RP1: variants seen among roughly 807,000 people sequenced by gnomAD.
The protein encoded by RP1 is RP1 axonemal microtubule associated.
Under a neutral mutation model 14.8 loss-of-function variants are expected in RP1, and 16 were observed. The observed-to-expected ratio is 1.08, with a 90% CI of 0.73 to 1.65. The LOEUF (loss-of-function observed/expected upper bound fraction) is 1.65. Among genes scored for constraint, RP1 ranks in the 40% most tolerant of loss-of-function variants. The pLI is 0.00. For missense variants in RP1, 2,631 were observed against 2,535.0 expected (o/e 1.04, Z -0.81); for synonymous variants, 876 against 883.6 (o/e 0.99, Z 0.15).
At chr8:54,806,020 ATTTTC>A (rs994696479) in intron 24 of RP1, among the ~76,000 whole-genome samples, 9 of 151,306 alleles carry the variant, frequency 5.9e-5, no homozygotes, top group African/African-American at 2.2e-4. Context: ...TTTTATTTTT[ATTTTC>A]TTTTATTTTT....
At chr8:54,600,678 A>AAGAG (rs1391461465) in intron 1 of RP1, among the ~76,000 whole-genome samples, 1 of 152,114 alleles carries the variant, frequency 6.6e-6, no homozygotes, top group Non-Finnish European at 1.5e-5. Context: ...CAAGGCAGAT[A>AAGAG]AGAGTATGGT....
chr8:54,641,508 CT>C (rs1024693488), intron 3 of RP1, among the ~76,000 whole-genome samples: 2 of 151,892 alleles, frequency 1.3e-5, no homozygotes, highest in African/African-American at 2.4e-5. Flanking sequence ...AGCTTCTCAA[CT>C]TTTTTTTCTG....
At chr8:54,835,013 T>C (rs920880243) in intron 24 of RP1, among the ~76,000 whole-genome samples, 2 of 152,180 alleles carry the variant, frequency 1.3e-5, no homozygotes, top group African/African-American at 4.8e-5. Flanking sequence ...GTTTTAAAAA[T>C]AACTTATTTA....
chr8:54,720,289 A>G, exon 16 of RP1: 1 of 1,535,108 alleles, frequency 6.5e-7, no homozygotes, highest in Non-Finnish European at 8.7e-7. Context: ...GTTTGCTTCT[A>G]TCCACAAGTC....
intron 3 of RP1, 106 bp from the exon 4 acceptor site, chr8:54,624,564 T>C: frequency 2.7e-6 from 3 of 1,108,160 alleles, no homozygotes; most frequent in Non-Finnish European, 4.1e-6. Flanking sequence ...TCATTTCCCC[T>C]TTTCTCTTTC....
chr8:54,846,208 A>T (rs1417935377), intron 25 of RP1, among the ~76,000 whole-genome samples: 1 of 152,194 alleles, frequency 6.6e-6, no homozygotes, highest in Non-Finnish European at 1.5e-5. Flanking sequence ...ATAAACAATT[A>T]ATTGGCTTCA....
intron 25 of RP1, chr8:54,852,453 G>T: frequency 1.6e-6 from 1 of 628,324 alleles, no homozygotes; most frequent in Non-Finnish European, 2.3e-6. Context: ...AAGAAAAAGA[G>T]TTGGGGCCAA....
At chr8:54,723,903 G>A (rs1189861322) in intron 16 of RP1, among the ~76,000 whole-genome samples, 2 of 152,082 alleles carry the variant, frequency 1.3e-5, no homozygotes, top group Non-Finnish European at 2.9e-5. Context: ...GCCTCCTCTT[G>A]CTCTAATTCC....
intron 12 of RP1, among the ~76,000 whole-genome samples, chr8:54,685,660 A>G (rs1807545928): frequency 1.3e-5 from 2 of 152,100 alleles, no homozygotes; most frequent in Admixed American, 1.3e-4. Flanking sequence ...TTAAAACATG[A>G]TGAGATTTTT....
At chr8:54,608,379 G>T (rs1425695159) in intron 1 of RP1, among the ~76,000 whole-genome samples, 1 of 152,034 alleles carries the variant, frequency 6.6e-6, no homozygotes, top group Non-Finnish European at 1.5e-5. Context: ...GGTCATGACG[G>T]TATGTTCAAT....
intron 1 of RP1, among the ~76,000 whole-genome samples, chr8:54,571,131 G>T (rs1299809895): frequency 6.8e-6 from 1 of 147,272 alleles, no homozygotes; most frequent in Admixed American, 6.9e-5. Flanking sequence ...GCTCTGCACT[G>T]GTCCTGCCTG....
At chr8:54,775,785 C>T (rs1198185995) in intron 23 of RP1, among the ~76,000 whole-genome samples, 2 of 152,228 alleles carry the variant, frequency 1.3e-5, no homozygotes, top group Admixed American at 1.3e-4. Flanking sequence ...TAGGCTCATA[C>T]AGACCTGCAT....
In RP1 at chr8:54,630,521, T is replaced by G; in HGVS notation, c.*168T>G. On this transcript the variant is annotated 3_prime_UTR_variant, in exon 4 of 4. Transcript: ENST00000220676. ...ACCAGTTTGACTTTCATAATGTCTCTGTTTTTTGTTTTTCCAACAATTACA... is the reference window on the plus strand; with the variant it reads ...ACCAGTTTGACTTTCATAATGTCTCGGTTTTTTGTTTTTCCAACAATTACA... The G allele has an allele frequency of 1.4e-6, 2 of 1,418,884 alleles. No individual in the cohort carries two copies. Among genetic ancestry groups the G allele is most frequent in the South Asian group, 3.2e-5 (2 of 63,412 alleles). 87.9% of individuals were successfully genotyped at this position (1,418,884 alleles called of 1,614,324 possible).
intron 16 of RP1, among the ~76,000 whole-genome samples, chr8:54,724,968 CATTA>C (rs1040151739): frequency 2.0e-5 from 3 of 152,162 alleles, no homozygotes; most frequent in African/African-American, 7.2e-5. Context: ...TGGACTGGCA[CATTA>C]ATTGTTTTCT....
Position 54,733,184 on chromosome 8 carries a change from T to C in RP1, c.2522-1361T>C, listed in dbSNP as rs562576111. Among the ~76,000 whole-genome samples, 9 of 152,324 alleles carry C rather than the reference T, an allele frequency of 5.9e-5. No individual in the cohort carries two copies. The South Asian group carries it at 1.0e-3, about 18-fold the overall frequency. The stretch of plus-strand genomic sequence containing the variant: ...CGTTGCAGTTAAACATCCCATAGTT[T>C]ACTTATTATGTGACTTGGCTATATT... On this transcript the variant is annotated intron_variant, in intron 17 of 22. Coordinates refer to the RP1 transcript ENST00000636932.
At chr8:54,655,535 A>T (rs1185013440) in intron 5 of RP1, among the ~76,000 whole-genome samples, 1 of 152,196 alleles carries the variant, frequency 6.6e-6, no homozygotes, top group Non-Finnish European at 1.5e-5. Flanking sequence ...AGTGTATGAA[A>T]TCTGACCTTA....
At chr8:54,839,323 A>G (rs886220727) in intron 25 of RP1, among the ~76,000 whole-genome samples, 3 of 152,162 alleles carry the variant, frequency 2.0e-5, no homozygotes, top group African/African-American at 7.2e-5. Context: ...TTACCATCCC[A>G]TCATCTTTAA....
chr8:54,670,513 A>ATG (rs1464882583), intron 7 of RP1, among the ~76,000 whole-genome samples: 1 of 50,286 alleles, frequency 2.0e-5, no homozygotes, highest in Non-Finnish European at 5.8e-5. Context: ...ATACACATAT[A>ATG]TATGTATGTG....
intron 6 of RP1, among the ~76,000 whole-genome samples, chr8:54,657,274 G>A (rs1212634569): frequency 6.6e-6 from 1 of 152,128 alleles, no homozygotes; most frequent in African/African-American, 2.4e-5. Context: ...ACAATGCAGA[G>A]GTGACTTTCT....
Sources: allele counts gnomAD v4.1 joint callset (sites outside exome capture counted in the v4.1 genomes callset), GRCh38; gene constraint gnomAD v4.1.1; transcripts MANE v1.5; gene names NCBI Gene and HGNC (gene_info 2026-07-23, HGNC 2026-07-21).